Variants in TMEM74B observed in about 807,000 individuals in gnomAD.
TMEM74B encodes transmembrane protein 74B.
TMEM74B carries 7 observed loss-of-function variants against 6.5 expected under a neutral mutation model. That is an observed-to-expected ratio of 1.07 (90% CI 0.61 to 2.01). The LOEUF is 2.01. Ranked by LOEUF, TMEM74B falls within the 30% of genes most tolerant of loss-of-function variation. The pLI, the probability that TMEM74B is intolerant of heterozygous loss-of-function variation, is 0.00. For synonymous variants in TMEM74B, 151 were observed against 151.6 expected, an observed-to-expected ratio of 1.00 and a Z score of 0.03; for missense variants, 342 against 337.0, an observed-to-expected ratio of 1.01 and a Z score of -0.12.
chr20:1,183,318 G>GTGTGTGTGTT (rs2086927938), intron 2 of TMEM74B, among the ~76,000 whole-genome samples: 2 of 126,624 alleles, frequency 1.6e-5, no homozygotes, highest in East Asian at 2.2e-4. Flanking sequence ...GTGTGTGTTT[G>GTGTGTGTGTT]TGTGTGTGTG....
intron 2 of TMEM74B, among the ~76,000 whole-genome samples, chr20:1,182,445 C>T (rs973409655): frequency 1.0e-4 from 15 of 150,138 alleles, no homozygotes; most frequent in Admixed American, 3.3e-4. Flanking sequence ...GGAAGTGCCT[C>T]GGCTTCAGAA....
rs1014995245 is a variant in TMEM74B at position 1,184,267 on chromosome 20, G to C, written c.-148+35C>G. 1 of 154,468 alleles carries C rather than the reference G, an allele frequency of 6.5e-6. No homozygotes were observed. The highest frequency in any genetic ancestry group is 1.4e-5 in the Non-Finnish European group (1 of 69,760). The allele number at this position is 154,468 out of a possible 1,614,324, so 9.6% of individuals were successfully genotyped here. ...AAAACTTTTTTCTTAGGATGCCACA[G>C]TGAGAGGGCAGAGAAAAATGAGGAT... is the stretch of plus-strand genomic sequence containing the variant. On this transcript the variant is annotated intron_variant, in intron 1 of 2. Coordinates refer to ENST00000429036, the MANE Select transcript of TMEM74B (RefSeq NM_001304748.2). The surrounding 1 kb of genome is among the most constrained non-coding windows in gnomAD (Gnocchi z 6.0).
At chr20:1,187,863 T>G (rs979094683), upstream of TMEM74B, among the ~76,000 whole-genome samples, 3 of 152,170 alleles carry the variant, frequency 2.0e-5, no homozygotes, top group Non-Finnish European at 4.4e-5. Flanking sequence ...AATTTGTTCT[T>G]TATCCTCAGA....
At chr20:1,182,571 G>T (rs2086900896) in intron 2 of TMEM74B, among the ~76,000 whole-genome samples, 1 of 152,188 alleles carries the variant, frequency 6.6e-6, no homozygotes. Context: ...GCAGACTGGA[G>T]AGCCATGACT....
chr20:1,180,980 GC>G lies in TMEM74B; in HGVS notation c.638del (p.Gly213AlafsTer15). 6.2e-7 allele frequency: 1 copy of G among 1,614,148 alleles called. No homozygotes were observed. The highest frequency in any genetic ancestry group is 8.5e-7 in the Non-Finnish European group (1 of 1,180,014). On this transcript the variant is annotated frameshift_variant, in exon 3 of 3. Transcript: ENST00000429036. LOFTEE classifies it low-confidence loss of function (END_TRUNC). This position sits in a 1 kb window ranked among gnomAD's most constrained non-coding sequence, Gnocchi z 6.1. ...ELYRRRTFVP[G>X]KGSRKTYGSI... ...AGCCGTAGGTCTTCCTGGAGCCCTT[GC>G]CGGGGACGAAGGTCCTCCGGCGGTA...
Position 1,181,365 on chromosome 20 carries a change from G to C in TMEM74B, c.254C>G (p.Pro85Arg). The C allele has an allele frequency of 1.9e-6, 3 of 1,556,268 alleles. No homozygotes were observed. The highest frequency in any genetic ancestry group is 1.7e-6 in the Non-Finnish European group (2 of 1,148,968). Reference protein sequence around the residue: ...NPGNTRLGSSPSPPGGVSSLP... With the variant: ...NPGNTRLGSSRSPPGGVSSLP... ...TGAGGAGACACCCCCAGGGGGACTG[G>C]GTGAGCTGCCCAGTCTCGTGTTCCC... is the stretch of plus-strand genomic sequence containing the variant. The change falls in exon 3 of 3, where the codon CCC becomes CGC. Residue 85 changes from proline (P) to arginine (R), a missense_variant. Physicochemically the swap from Pro to Arg is moderately radical, Grantham distance 103. Coordinates refer to ENST00000429036, the MANE Select transcript of TMEM74B (RefSeq NM_001304748.2). This position sits in a 1 kb window ranked among gnomAD's most constrained non-coding sequence, Gnocchi z 4.9.
At chr20:1,186,603 G>A (rs927391154), upstream of TMEM74B, 3 of 152,224 alleles carry the variant, frequency 2.0e-5, no homozygotes, top group African/African-American at 7.2e-5. Flanking sequence ...CCATGTGGAA[G>A]GACAGGCGAA....
At chr20:1,189,001 G>A (rs1438867991), upstream of TMEM74B, among the ~76,000 whole-genome samples, 3 of 151,662 alleles carry the variant, frequency 2.0e-5, no homozygotes, top group East Asian at 4.0e-4. This position sits in a 1 kb window ranked among gnomAD's most constrained non-coding sequence, Gnocchi z 4.5. Context: ...GGGCGGGGGC[G>A]GGGGCAGGTG....
chr20:1,188,990 G>A (rs1487337549), upstream of TMEM74B, among the ~76,000 whole-genome samples: 6 of 151,566 alleles, frequency 4.0e-5, no homozygotes, highest in African/African-American at 7.3e-5. Context: ...CTGGGGTGGC[G>A]GGGCGGGGGC....
chr20:1,183,622 G>A lies in TMEM74B; in HGVS notation c.31+149C>T, dbSNP rs186733406. ...AGCCATGTACCCGACACTTCATGCA[G>A]GAGTATCTCATATCACCCTCACCAG... On this transcript the variant is annotated intron_variant, in intron 2 of 2. Transcript: ENST00000429036. The A allele has an allele frequency of 5.8e-4, 486 of 839,778 alleles. 1 individual carries two copies. In the African/African-American group the frequency reaches 7.6e-3, roughly 13 times the overall value. 52.0% of individuals were successfully genotyped at this position (839,778 alleles called of 1,614,324 possible). A position where few individuals can be genotyped will look rare whatever the true frequency, so the allele number is the denominator to read the frequency against.
At chr20:1,185,889 G>C (rs74272318), upstream of TMEM74B, among the ~76,000 whole-genome samples, 10 of 150,158 alleles carry the variant, frequency 6.7e-5, no homozygotes, top group East Asian at 1.4e-3. Context: ...AGGTCGGGAC[G>C]GTCTCCTCGG....
rs148952318 is a variant in TMEM74B at position 1,181,531 on chromosome 20, C to T, written c.88G>A (p.Gly30Ser). The change falls in exon 3 of 3, where the codon GGT becomes AGT. Residue 30 changes from glycine to serine, a missense_variant. Gly to Ser is a moderately conservative substitution (Grantham distance 56, BLOSUM62 0). Coordinates refer to ENST00000429036, the MANE Select transcript of TMEM74B (RefSeq NM_001304748.2). This position sits in a 1 kb window ranked among gnomAD's most constrained non-coding sequence, Gnocchi z 4.9. ...TTGCTCAGTGTCTTCAGTTCCAGACCAGGGGGAGATGCCATTGGGAAGGAG... is the reference window on the plus strand; with the variant it reads ...TTGCTCAGTGTCTTCAGTTCCAGACTAGGGGGAGATGCCATTGGGAAGGAG... ...GPSFPMASPP[G>S]LELKTLSNGP... 5 of 1,483,642 alleles carry T rather than the reference C, an allele frequency of 3.4e-6. No individual in the cohort carries two copies. Among genetic ancestry groups the T allele is most frequent in the Non-Finnish European group, 4.5e-6 (5 of 1,120,176 alleles). 91.9% of individuals were successfully genotyped at this position (1,483,642 alleles called of 1,614,324 possible).
At position 1,181,502 on chromosome 20, in the gene TMEM74B, A is replaced by G; in HGVS notation, c.117T>C (p.Gly39=). Residue 39 remains glycine (G), a synonymous_variant, in exon 3 of 3, where the codon GGT becomes GGC. Transcript: ENST00000429036. This position sits in a 1 kb window ranked among gnomAD's most constrained non-coding sequence, Gnocchi z 4.9. ...PGLELKTLSN[G]PQAPRRSAPL... ...GAGCTGATCTCCTTGGGGCTTGGGG[A>G]CCATTGCTCAGTGTCTTCAGTTCCA... The G allele has an allele frequency of 6.7e-7, 1 of 1,503,606 alleles. No individual in the cohort carries two copies. Among genetic ancestry groups the G allele is most frequent in the South Asian group, 1.4e-5 (1 of 72,478 alleles). The allele number at this position is 1,503,606 out of a possible 1,614,324, so 93.1% of individuals were successfully genotyped here.
upstream of TMEM74B, among the ~76,000 whole-genome samples, chr20:1,188,427 C>A (rs1286151748): frequency 6.8e-6 from 1 of 147,476 alleles, no homozygotes; most frequent in African/African-American, 2.6e-5. Flanking sequence ...CACACACACA[C>A]CACACACCAC....
Position 1,181,767 on chromosome 20 carries a change from A to G in TMEM74B, c.32-180T>C, listed in dbSNP as rs946159432. On this transcript the variant is annotated intron_variant, in intron 2 of 2. Transcript: ENST00000429036. The surrounding 1 kb of genome is among the most constrained non-coding windows in gnomAD (Gnocchi z 4.9). ...ACAGAACAGTGTGATCCAAGCCCAGATCCCACTCTACCACCGGGTGGGGTA... is the reference window on the plus strand; with the variant it reads ...ACAGAACAGTGTGATCCAAGCCCAGGTCCCACTCTACCACCGGGTGGGGTA... Among the ~76,000 whole-genome samples the G allele has an allele frequency of 6.6e-6, 1 of 152,108 alleles. No individual in the cohort carries two copies. Among genetic ancestry groups the G allele is most frequent in the African/African-American group, 2.4e-5 (1 of 41,432 alleles).
At position 1,181,725 on chromosome 20, in the gene TMEM74B, C is replaced by T. The variant is rs1434935664; in HGVS notation, c.32-138G>A. The T allele has an allele frequency of 7.1e-6, 7 of 984,154 alleles. No individual in the cohort carries two copies. The highest frequency in any genetic ancestry group is 9.5e-6 in the Non-Finnish European group (7 of 736,278). 61.0% of individuals were successfully genotyped at this position (984,154 alleles called of 1,614,324 possible). On this transcript the variant is annotated intron_variant, in intron 2 of 2. Coordinates refer to ENST00000429036, the MANE Select transcript of TMEM74B (RefSeq NM_001304748.2). This position sits in a 1 kb window ranked among gnomAD's most constrained non-coding sequence, Gnocchi z 4.9. ...GGTGTCTGCCAGACAGAGGGGAAGA[C>T]AGGGAATAAGACGATGACAGAACAG...
chr20:1,183,290 CTGTGTGTGTG>C (rs142394583), intron 2 of TMEM74B, among the ~76,000 whole-genome samples: 7 of 149,214 alleles, frequency 4.7e-5, no homozygotes, highest in South Asian at 2.1e-4. Flanking sequence ...GGTTCGTTCT[CTGTGTGTGTG>C]TGTGTGTGTG....
intron 1 of TMEM74B, 33 bp from the exon 2 acceptor site, chr20:1,183,981 G>T: frequency 1.6e-6 from 1 of 633,084 alleles, no homozygotes; most frequent in Non-Finnish European, 2.7e-6. Context: ...AAAGAGATGT[G>T]TTTGTTGGTT....
In TMEM74B at chr20:1,181,267, G is replaced by C. The variant is rs752989650; in HGVS notation, c.352C>G (p.Pro118Ala). The C allele has an allele frequency of 1.9e-6, 3 of 1,613,912 alleles. No homozygotes were observed. The highest frequency in any genetic ancestry group is 2.2e-5 in the South Asian group (2 of 90,986). Reference protein sequence around the residue: ...EGPALEPVSRPVDYGFVSALV... With the variant: ...EGPALEPVSRAVDYGFVSALV... ...GCGGAAACAAAGCCATAATCCACCG[G>C]GCGGCTCACGGGCTCCAGGGCTGGC... The change falls in exon 3 of 3, where the codon CCG becomes GCG. Residue 118 changes from proline to alanine, a missense_variant. Transcript: ENST00000429036. The surrounding 1 kb of genome is among the most constrained non-coding windows in gnomAD (Gnocchi z 4.9).
Sources: gnomAD v4.1 joint callset for allele counts (sites outside exome capture counted in the v4.1 genomes callset) on GRCh38, gnomAD v4.1.1 for gene constraint, Gnocchi (gnomAD v3.1) non-coding constraint, MANE v1.5 for transcripts, NCBI Gene and HGNC (gene_info 2026-07-23, HGNC 2026-07-21) for gene names.